Variants in FABP7 observed in about 807,000 individuals in gnomAD.
FABP7 encodes the protein fatty acid binding protein 7, also known as fatty acid-binding protein, brain.
In FABP7, 13 loss-of-function variants were observed where a neutral mutation model predicts 14.2. The ratio of observed to expected loss-of-function variants is 0.91; its 90% confidence interval spans 0.59 to 1.45. The LOEUF (loss-of-function observed/expected upper bound fraction) is 1.45, where lower values mean the gene tolerates loss of function less well. Ranked by LOEUF, FABP7 falls within the 40% of genes most tolerant of loss-of-function variation. The pLI, the probability that FABP7 is intolerant of heterozygous loss-of-function variation, is 0.00. For synonymous variants in FABP7, 49 were observed against 51.4 expected, an observed-to-expected ratio of 0.95 and a Z score of 0.20; for missense variants, 149 against 157.6, an observed-to-expected ratio of 0.95 and a Z score of 0.29.
At chr6:122,765,026 T>C in the FABP7 span, among the ~76,000 whole-genome samples, 56 of 152,300 alleles carry the variant, frequency 3.7e-4, 1 homozygote, top group African/African-American at 1.3e-3. Flanking sequence ...GAAAACATTA[T>C]AATGAGAATG....
intron 1 of FABP7, among the ~76,000 whole-genome samples, 153 bp from the exon 2 acceptor site, chr6:122,780,138 A>G (rs1780747342): frequency 6.6e-6 from 1 of 152,220 alleles, no homozygotes; most frequent in Admixed American, 6.5e-5. Context: ...TCCACTTATT[A>G]TCACAGTAGT....
the FABP7 span, among the ~76,000 whole-genome samples, chr6:122,773,108 A>T: frequency 6.6e-6 from 1 of 152,176 alleles, no homozygotes; most frequent in African/African-American, 2.4e-5. Context: ...TTTCCCTATT[A>T]TCTAAGGCAG....
At chr6:122,752,369 G>A in the FABP7 span, among the ~76,000 whole-genome samples, 440 of 152,248 alleles carry the variant, frequency 2.9e-3, 3 homozygotes, top group African/African-American at 0.01. Context: ...GCACTCTGTG[G>A]TTCTATGGGT....
the FABP7 span, among the ~76,000 whole-genome samples, chr6:122,762,748 C>A: frequency 6.6e-6 from 1 of 152,142 alleles, no homozygotes; most frequent in Non-Finnish European, 1.5e-5. Context: ...ACACAAATAA[C>A]AGACAAACAG....
At chr6:122,756,803 A>T in the FABP7 span, among the ~76,000 whole-genome samples, 6 of 152,198 alleles carry the variant, frequency 3.9e-5, no homozygotes. Flanking sequence ...ACTTCTCATC[A>T]GCACTTGACA....
At chr6:122,750,443 G>C in the FABP7 span, among the ~76,000 whole-genome samples, 1 of 152,244 alleles carries the variant, frequency 6.6e-6, no homozygotes, top group South Asian at 2.1e-4. Context: ...AATTAAACTT[G>C]TCTTTATTAC....
At chr6:122,771,659 T>A in the FABP7 span, among the ~76,000 whole-genome samples, 7 of 152,296 alleles carry the variant, frequency 4.6e-5, no homozygotes, top group Admixed American at 3.9e-4. Context: ...TTAAAACTAT[T>A]CTGTGTGCTT....
At chr6:122,768,718 A>G in the FABP7 span, among the ~76,000 whole-genome samples, 2 of 152,186 alleles carry the variant, frequency 1.3e-5, no homozygotes, top group African/African-American at 4.8e-5. Flanking sequence ...ACCAACGGGT[A>G]TGATTAATTT....
At chr6:122,768,387 AGTT>A in the FABP7 span, among the ~76,000 whole-genome samples, 1 of 152,176 alleles carries the variant, frequency 6.6e-6, no homozygotes, top group Non-Finnish European at 1.5e-5. Flanking sequence ...CATGTAAAAA[AGTT>A]AATTCCTAGC....
intron 3 of FABP7, chr6:122,782,508 A>G: frequency 5.1e-6 from 5 of 979,460 alleles, no homozygotes; most frequent in Non-Finnish European, 4.9e-6. Flanking sequence ...TTAACAAATA[A>G]TTTATCTAAT....
At chr6:122,769,744 G>C in the FABP7 span, among the ~76,000 whole-genome samples, 1 of 152,146 alleles carries the variant, frequency 6.6e-6, no homozygotes. Flanking sequence ...ACAAATTGAG[G>C]AGTACAAACG....
chr6:122,756,597 TCTAA>T, the FABP7 span, among the ~76,000 whole-genome samples: 1 of 152,174 alleles, frequency 6.6e-6, no homozygotes, highest in Non-Finnish European at 1.5e-5. Flanking sequence ...ATCCTCTCTA[TCTAA>T]CTACTGCCCC....
chr6:122,780,456 A>T lies in FABP7; in HGVS notation c.239A>T (p.Asn80Ile), dbSNP rs2115143881. ...EFDETTADDR[N>I]CKSVVSLDGD... ...GATGAAACCACTGCAGATGATAGAA[A>T]CTGTAAGGTGAGAAACTGCTTCTTC... The change falls in exon 2 of 4, where the codon AAC (asparagine) becomes ATC (isoleucine). Residue 80 changes from asparagine to isoleucine, a missense_variant. Coordinates refer to ENST00000368444, the MANE Select transcript of FABP7 (RefSeq NM_001446.5). 7 of 1,610,804 alleles carry T rather than the reference A, an allele frequency of 4.3e-6. No individual in the cohort carries two copies. The highest frequency in any genetic ancestry group is 5.9e-6 in the Non-Finnish European group (7 of 1,179,260).
At chr6:122,775,828 A>AAAAC (rs139337062), upstream of FABP7, among the ~76,000 whole-genome samples, 58 of 151,984 alleles carry the variant, frequency 3.8e-4, no homozygotes, top group African/African-American at 5.1e-4. Context: ...TGAATAGCAA[A>AAAAC]AAACAAACAA....
chr6:122,782,556 C>T (rs1780818037), intron 3 of FABP7: 1 of 985,042 alleles, frequency 1.0e-6, no homozygotes, highest in Admixed American at 6.2e-5. Flanking sequence ...AATATTATGC[C>T]TTCACCAAGC....
chr6:122,781,088 C>G lies in FABP7; in HGVS notation c.247-5C>G, dbSNP rs1261721258. 1.9e-6 allele frequency: 3 copies of G among 1,609,126 alleles called. No homozygotes were observed. The highest frequency in any genetic ancestry group is 2.6e-6 in the Non-Finnish European group (3 of 1,176,364). On this transcript the variant is annotated splice_region_variant and splice_polypyrimidine_tract_variant and intron_variant, in intron 2 of 3. Coordinates refer to ENST00000368444, the MANE Select transcript of FABP7 (RefSeq NM_001446.5). The stretch of plus-strand genomic sequence containing the variant: ...CTATGTTCTGCATTTTGTTGTTGGT[C>G]TCAGTCTGTTGTTAGCCTGGATGGA...
At chr6:122,779,582 G>C (rs887809326), upstream of FABP7, 6 of 584,364 alleles carry the variant, frequency 1.0e-5, no homozygotes, top group African/African-American at 9.3e-5. Context: ...TCACTCGAGC[G>C]CTCCTTCCCT....
Position 122,781,130 on chromosome 6 carries a change from T to A in FABP7, c.284T>A (p.Ile95Lys), listed in dbSNP as rs886812406. The change falls in exon 3 of 4, where the codon ATA (isoleucine) becomes AAA (lysine). Residue 95 changes from isoleucine (I) to lysine (K), a missense_variant. Ile to Lys is a moderately radical substitution (Grantham distance 102). Transcript: ENST00000368444. ...VSLDGDKLVHIQKWDGKETNF... is the reference protein window; with the variant it reads ...VSLDGDKLVHKQKWDGKETNF... ...CTGGATGGAGACAAACTTGTTCACATACAGAAATGGGATGGCAAAGAAACA... is the reference window on the plus strand; with the variant it reads ...CTGGATGGAGACAAACTTGTTCACAAACAGAAATGGGATGGCAAAGAAACA... 5 of 1,613,854 alleles carry A rather than the reference T, an allele frequency of 3.1e-6. No homozygotes were observed. The African/African-American group carries it at 6.7e-5, about 22-fold the overall frequency.
At chr6:122,755,803 G>A in the FABP7 span, among the ~76,000 whole-genome samples, 11 of 151,870 alleles carry the variant, frequency 7.2e-5, no homozygotes, top group African/African-American at 2.7e-4. Flanking sequence ...ATTTCTATGA[G>A]GTGCTGGGTC....
Sources: gnomAD v4.1 joint callset for allele counts (sites outside exome capture counted in the v4.1 genomes callset) on GRCh38, gnomAD v4.1.1 for gene constraint, MANE v1.5 for transcripts, NCBI Gene and HGNC (gene_info 2026-07-23, HGNC 2026-07-21) for gene names.